MTMR7: variants seen among roughly 807,000 people sequenced by gnomAD.
The protein encoded by MTMR7 is myotubularin related protein 7.
In MTMR7, 76 loss-of-function variants were observed where a neutral mutation model predicts 81.2. The ratio of observed to expected loss-of-function variants is 0.94; its 90% CI spans 0.78 to 1.13. The LOEUF is 1.13. Among genes scored for constraint, MTMR7 ranks in the 50% most tolerant of loss-of-function variants. MTMR7 has a pLI of 0.00. For missense variants in MTMR7, 1,044 were observed against 820.0 expected (o/e 1.27, Z -3.34); for synonymous variants, 372 against 289.8 (o/e 1.28, Z -2.88).
intron 4 of MTMR7, among the ~76,000 whole-genome samples, chr8:17,350,309 G>A (rs1308781624): frequency 1.3e-5 from 2 of 152,198 alleles, no homozygotes; most frequent in African/African-American, 4.8e-5. Flanking sequence ...AATTTATAAA[G>A]GAAAAGGTTT....
At chr8:17,350,869 A>C (rs994301188) in intron 4 of MTMR7, among the ~76,000 whole-genome samples, 1 of 152,228 alleles carries the variant, frequency 6.6e-6, no homozygotes, top group Non-Finnish European at 1.5e-5. Context: ...ACATTTTAGG[A>C]AAGAAGATTA....
chr8:17,355,953 T>A (rs964293986), intron 4 of MTMR7, among the ~76,000 whole-genome samples: 2 of 152,054 alleles, frequency 1.3e-5, no homozygotes, highest in African/African-American at 4.8e-5. Context: ...AATGAAACAA[T>A]ACCAAAAGGT....
At position 17,413,328 on chromosome 8, in the gene MTMR7, G is replaced by T. The variant is rs72607374; in HGVS notation, c.-36C>A. 2 of 1,516,550 alleles carry T rather than the reference G, an allele frequency of 1.3e-6. No individual in the cohort carries two copies. The highest frequency in any genetic ancestry group is 1.4e-5 in the African/African-American group (1 of 69,724). The allele number at this position is 1,516,550 out of a possible 1,614,324, so 93.9% of individuals were successfully genotyped here. On this transcript the variant is annotated 5_prime_UTR_variant, in exon 1 of 14. Transcript: ENST00000180173. Reference sequence around the variant, plus strand: ...CGTCTGCAGGGTCCCGGGCGGGCGCGGCCTCACGCACCTGCGCGCCTCTGC... The same window carrying T: ...CGTCTGCAGGGTCCCGGGCGGGCGCTGCCTCACGCACCTGCGCGCCTCTGC...
chr8:17,360,230 A>G (rs989626752), intron 4 of MTMR7, among the ~76,000 whole-genome samples: 1 of 152,202 alleles, frequency 6.6e-6, no homozygotes. Flanking sequence ...GTGTGTGCAA[A>G]CATAAAAAAT....
At chr8:17,332,702 C>G (rs562561584) in intron 6 of MTMR7, among the ~76,000 whole-genome samples, 1 of 152,142 alleles carries the variant, frequency 6.6e-6, no homozygotes, top group Admixed American at 6.5e-5. Context: ...TCATATAGGT[C>G]GAACCATTAA....
chr8:17,412,799 C>G (rs1187582239), intron 1 of MTMR7, among the ~76,000 whole-genome samples: 2 of 152,164 alleles, frequency 1.3e-5, no homozygotes, highest in East Asian at 1.9e-4. Context: ...AAGGCCGAGC[C>G]GGGTGGGCCT....
intron 4 of MTMR7, among the ~76,000 whole-genome samples, chr8:17,358,812 T>G (rs1442833669): frequency 6.6e-6 from 1 of 152,066 alleles, no homozygotes; most frequent in Non-Finnish European, 1.5e-5. Flanking sequence ...ATAAAATAAT[T>G]TTAAGTTGGG....
chr8:17,340,043 C>T (rs1243843810), intron 6 of MTMR7, among the ~76,000 whole-genome samples: 1 of 152,240 alleles, frequency 6.6e-6, no homozygotes, highest in Admixed American at 6.5e-5. Context: ...CCTCCGCCTC[C>T]CGTGTTCAAG....
At chr8:17,354,074 A>G (rs1819814699) in intron 4 of MTMR7, among the ~76,000 whole-genome samples, 1 of 152,206 alleles carries the variant, frequency 6.6e-6, no homozygotes. Flanking sequence ...GCAATCCAAA[A>G]GTGTCACTCA....
At chr8:17,302,316 A>AT (rs1285940534) in intron 12 of MTMR7, 36 bp from the exon 13 acceptor site, 2 of 1,583,394 alleles carry the variant, frequency 1.3e-6, no homozygotes, top group Non-Finnish European at 1.7e-6. Flanking sequence ...ATACCACCTT[A>AT]TCACAGTCTG....
chr8:17,319,110 A>G (rs916738925), intron 7 of MTMR7, among the ~76,000 whole-genome samples: 5 of 152,230 alleles, frequency 3.3e-5, no homozygotes, highest in African/African-American at 9.6e-5. Context: ...AGTAATAATC[A>G]TGATATACGC....
chr8:17,380,349 C>T (rs1344113993), intron 1 of MTMR7, among the ~76,000 whole-genome samples: 1 of 152,156 alleles, frequency 6.6e-6, no homozygotes, highest in Non-Finnish European at 1.5e-5. Context: ...AAGTTAATCC[C>T]CACAGTAACC....
intron 5 of MTMR7, 56 bp from the exon 6 acceptor site, chr8:17,341,553 A>C: frequency 6.3e-7 from 1 of 1,595,654 alleles, no homozygotes; most frequent in Non-Finnish European, 8.5e-7. Flanking sequence ...CCCATGAGAG[A>C]CACTCTACGT....
At chr8:17,307,403 T>C (rs1167701744) in intron 10 of MTMR7, among the ~76,000 whole-genome samples, 2 of 152,146 alleles carry the variant, frequency 1.3e-5, no homozygotes, top group African/African-American at 4.8e-5. Context: ...CTGGAGAGGA[T>C]GTGAAGAAAT....
At chr8:17,357,323 T>C (rs529111669) in intron 4 of MTMR7, among the ~76,000 whole-genome samples, 1 of 152,236 alleles carries the variant, frequency 6.6e-6, no homozygotes, top group Non-Finnish European at 1.5e-5. Flanking sequence ...GTACCTGGCA[T>C]GTAGTAACTA....
intron 1 of MTMR7, among the ~76,000 whole-genome samples, chr8:17,403,187 C>T (rs1821478518): frequency 6.6e-6 from 1 of 152,100 alleles, no homozygotes; most frequent in Admixed American, 6.5e-5. Flanking sequence ...TATTTTCTCC[C>T]ATTCTGTGGG....
At chr8:17,306,417 T>G (rs1817458902) in intron 10 of MTMR7, among the ~76,000 whole-genome samples, 1 of 152,050 alleles carries the variant, frequency 6.6e-6, no homozygotes, top group Admixed American at 6.6e-5. Flanking sequence ...GTTTCCCAAG[T>G]TGCCAAGAAT....
At chr8:17,409,337 G>A (rs1414806964) in intron 1 of MTMR7, among the ~76,000 whole-genome samples, 1 of 152,062 alleles carries the variant, frequency 6.6e-6, no homozygotes, top group Non-Finnish European at 1.5e-5. Flanking sequence ...GCACGTGCTT[G>A]TAGCCCCAGC....
chr8:17,342,688 C>T (rs974619558), intron 5 of MTMR7, among the ~76,000 whole-genome samples: 4 of 152,134 alleles, frequency 2.6e-5, no homozygotes, highest in South Asian at 4.2e-4. Flanking sequence ...TGTCTGAGGG[C>T]GCCAACACCA....
Sources: gnomAD v4.1 joint callset for allele counts (sites outside exome capture counted in the v4.1 genomes callset) on GRCh38, gnomAD v4.1.1 for gene constraint, MANE v1.5 for transcripts, NCBI Gene and HGNC (gene_info 2026-07-23, HGNC 2026-07-21) for gene names.